The following DIP2C variants were observed in gnomAD, a reference collection of about 807,000 sequenced individuals.
The protein encoded by DIP2C is DIP2 acetate--CoA ligase C (putative), also known as disco-interacting protein 2 homolog C.
DIP2C carries 33 observed loss-of-function variants against 192.4 expected under a neutral mutation model. The ratio of observed to expected loss-of-function variants is 0.17; its 90% confidence interval spans 0.13 to 0.23. DIP2C has a LOEUF of 0.23. Ranked by LOEUF, DIP2C falls within the 10% of genes least tolerant of loss-of-function variation. DIP2C has a pLI of 1.00. For synonymous variants in DIP2C, 979 were observed against 864.1 expected, an observed-to-expected ratio of 1.13 and a Z score of -2.33; for missense variants, 1,537 against 2,110.1, an observed-to-expected ratio of 0.73 and a Z score of 5.32.
chr10:419,742 G>A (rs773163663), intron 5 of DIP2C, among the ~76,000 whole-genome samples: 152 of 152,136 alleles, frequency 1.0e-3, no homozygotes, highest in Non-Finnish European at 1.8e-3. Flanking sequence ...TTCATAAAAG[G>A]GGGAGACATC....
intron 5 of DIP2C, among the ~76,000 whole-genome samples, chr10:421,029 CTTTT>C (rs1379588217): frequency 1.3e-5 from 2 of 152,194 alleles, no homozygotes; most frequent in Non-Finnish European, 2.9e-5. Context: ...CTTTTTACTT[CTTTT>C]GTTTTGCCAC....
chr10:447,820 C>T (rs1477336406), intron 3 of DIP2C, among the ~76,000 whole-genome samples: 4 of 115,654 alleles, frequency 3.5e-5, no homozygotes, highest in East Asian at 5.1e-4. Flanking sequence ...CGCTCACTCC[C>T]GTCGATACTC....
intron 1 of DIP2C, among the ~76,000 whole-genome samples, chr10:494,286 G>A (rs1050013271): frequency 3.9e-5 from 6 of 152,226 alleles, no homozygotes; most frequent in Non-Finnish European, 7.3e-5. Flanking sequence ...AACCCCAGGA[G>A]GAGGACATCT....
chr10:395,910 G>A (rs571068808), intron 10 of DIP2C, among the ~76,000 whole-genome samples: 2 of 152,314 alleles, frequency 1.3e-5, no homozygotes, highest in African/African-American at 4.8e-5. Flanking sequence ...TCCCCACACT[G>A]TTCTCCTGCT....
chr10:612,759 CAT>C (rs1188535747), intron 1 of DIP2C, among the ~76,000 whole-genome samples: 14 of 152,314 alleles, frequency 9.2e-5, no homozygotes, highest in South Asian at 8.3e-4. Flanking sequence ...AATTTACACA[CAT>C]GTTCATTGCT....
chr10:370,117 G>A (rs1444308262), intron 17 of DIP2C: 5 of 895,694 alleles, frequency 5.6e-6, no homozygotes, highest in African/African-American at 1.8e-5. Context: ...TTCAGATGCA[G>A]ACTGCCTGGG....
intron 31 of DIP2C, among the ~76,000 whole-genome samples, chr10:325,387 C>CT (rs1173911866): frequency 6.6e-6 from 1 of 152,240 alleles, no homozygotes; most frequent in Non-Finnish European, 1.5e-5. Context: ...ACGCTGAACT[C>CT]TGTCACCTGC....
intron 1 of DIP2C, among the ~76,000 whole-genome samples, chr10:562,754 T>A (rs983097167): frequency 6.6e-6 from 1 of 152,174 alleles, no homozygotes; most frequent in African/African-American, 2.4e-5. Flanking sequence ...ATTTAACCAA[T>A]AAATGGTCTA....
chr10:318,464 C>T (rs1956870481), intron 31 of DIP2C, among the ~76,000 whole-genome samples: 1 of 152,210 alleles, frequency 6.6e-6, no homozygotes, highest in Non-Finnish European at 1.5e-5. Flanking sequence ...GGAACAAGGT[C>T]AGCAGTGCAG....
At chr10:586,706 G>A (rs1398743437) in intron 1 of DIP2C, among the ~76,000 whole-genome samples, 1 of 152,200 alleles carries the variant, frequency 6.6e-6, no homozygotes, top group African/African-American at 2.4e-5. Context: ...TGACCACAAT[G>A]AAAATGTTTT....
At chr10:662,701 A>C in intron 1 of DIP2C, 1 of 562,068 alleles carries the variant, frequency 1.8e-6, no homozygotes, top group Non-Finnish European at 3.2e-6. Flanking sequence ...AGGTATGGGC[A>C]GAAAATATAT....
chr10:510,418 G>T (rs561342259), intron 1 of DIP2C, among the ~76,000 whole-genome samples: 1 of 152,274 alleles, frequency 6.6e-6, no homozygotes, highest in Non-Finnish European at 1.5e-5. Context: ...TAGCCTGAAC[G>T]TGCACGTACA....
chr10:371,993 G>A (rs774524780), intron 17 of DIP2C, among the ~76,000 whole-genome samples: 9 of 152,124 alleles, frequency 5.9e-5, no homozygotes, highest in African/African-American at 9.7e-5. Flanking sequence ...CTGACCTGCC[G>A]GGCAAGGGCC....
At chr10:303,967 A>G (rs1253794286) in intron 32 of DIP2C, among the ~76,000 whole-genome samples, 2 of 152,162 alleles carry the variant, frequency 1.3e-5, no homozygotes, top group East Asian at 1.9e-4. Flanking sequence ...CTTTAGGGCA[A>G]TGACATGCAC....
chr10:642,022 C>T (rs1205233995), intron 1 of DIP2C, among the ~76,000 whole-genome samples: 1 of 151,858 alleles, frequency 6.6e-6, no homozygotes, highest in East Asian at 1.9e-4. Context: ...GACCCTGTAT[C>T]AAAAAAAGGA....
chr10:547,562 G>A (rs2130928439), intron 1 of DIP2C, among the ~76,000 whole-genome samples: 1 of 152,252 alleles, frequency 6.6e-6, no homozygotes, highest in South Asian at 2.1e-4. Context: ...GGAAGGGAGG[G>A]TGGAGAAAAA....
intron 1 of DIP2C, among the ~76,000 whole-genome samples, chr10:506,047 G>A (rs1845576156): frequency 6.6e-6 from 1 of 152,198 alleles, no homozygotes; most frequent in Non-Finnish European, 1.5e-5. Context: ...TGTCACATTT[G>A]GCAGCACAAG....
chr10:354,088 A>G (rs1224131321), intron 24 of DIP2C, among the ~76,000 whole-genome samples: 1 of 152,132 alleles, frequency 6.6e-6, no homozygotes, highest in African/African-American at 2.4e-5. Flanking sequence ...AAAATAACAC[A>G]AGCAATAGCT....
intron 1 of DIP2C, among the ~76,000 whole-genome samples, chr10:540,701 G>T (rs1205172687): frequency 6.6e-6 from 1 of 152,196 alleles, no homozygotes; most frequent in East Asian, 1.9e-4. Flanking sequence ...ACAGTGCTAT[G>T]TAATTTTACC....
Sources: gnomAD v4.1 joint callset for allele counts (sites outside exome capture counted in the v4.1 genomes callset) on GRCh38, gnomAD v4.1.1 for gene constraint, MANE v1.5 for transcripts, NCBI Gene and HGNC (gene_info 2026-07-23, HGNC 2026-07-21) for gene names.